Variants in RNF180 observed in about 807,000 individuals in gnomAD.
The protein encoded by RNF180 is ring finger protein 180.
Under a neutral mutation model 59.2 loss-of-function variants are expected in RNF180, and 38 were observed. The ratio of observed to expected loss-of-function variants is 0.64; its 90% CI spans 0.50 to 0.84. The LOEUF (loss-of-function observed/expected upper bound fraction) is 0.84, where lower values mean the gene tolerates loss of function less well. Ranked by LOEUF, RNF180 falls within the 40% of genes least tolerant of loss-of-function variation. The pLI is 0.00. For missense variants in RNF180, 705 were observed against 700.9 expected (o/e 1.01, Z -0.07); for synonymous variants, 262 against 240.3 (o/e 1.09, Z -0.84).
intron 7 of RNF180, among the ~76,000 whole-genome samples, chr5:64,334,222 C>A (rs1745030106): frequency 6.6e-6 from 1 of 152,166 alleles, no homozygotes; most frequent in Non-Finnish European, 1.5e-5. Context: ...TTTCCCCCTC[C>A]AACCTCCATA....
At chr5:64,233,230 T>C (rs1339898309) in intron 5 of RNF180, among the ~76,000 whole-genome samples, 1 of 152,208 alleles carries the variant, frequency 6.6e-6, no homozygotes, top group East Asian at 1.9e-4. Context: ...AACACATGGA[T>C]CTTACATAAG....
In RNF180 at chr5:64,203,454, A is replaced by G. The variant is rs1011388471; in HGVS notation, c.135+2512A>G. On this transcript the variant is annotated intron_variant, in intron 2 of 7. Coordinates refer to ENST00000389100, the MANE Select transcript of RNF180 (RefSeq NM_001113561.2). ...TTGAGCTATTTTCATTACCCCATAAAGTTTCCTCAGGCCTATTTGTCCTGC... is the reference window on the plus strand; with the variant it reads ...TTGAGCTATTTTCATTACCCCATAAGGTTTCCTCAGGCCTATTTGTCCTGC... Among the ~76,000 whole-genome samples, 30 of 152,118 alleles carry G rather than the reference A, an allele frequency of 2.0e-4. 1 individual carries two copies. Among genetic ancestry groups the G allele is most frequent in the Non-Finnish European group, 8.8e-5 (6 of 68,004 alleles).
At chr5:64,225,523 G>A (rs76683526) in intron 5 of RNF180, among the ~76,000 whole-genome samples, 5,040 of 89,294 alleles carry the variant, frequency 0.056, no homozygotes, top group African/African-American at 0.076. Context: ...CTGCCCGGCC[G>A]CCCTTCGTCT....
At chr5:64,296,220 T>C (rs1026603900) in intron 5 of RNF180, among the ~76,000 whole-genome samples, 1 of 152,158 alleles carries the variant, frequency 6.6e-6, no homozygotes, top group Non-Finnish European at 1.5e-5. Flanking sequence ...CATACCATGA[T>C]TAGCCCCTGA....
intron 5 of RNF180, among the ~76,000 whole-genome samples, chr5:64,309,236 A>C (rs1292006762): frequency 6.6e-6 from 1 of 151,696 alleles, no homozygotes; most frequent in Non-Finnish European, 1.5e-5. Context: ...AATGTTAGGG[A>C]CTCTGGCTCA....
chr5:64,242,100 A>G (rs1186575013), intron 5 of RNF180, among the ~76,000 whole-genome samples: 2 of 152,176 alleles, frequency 1.3e-5, no homozygotes, highest in Admixed American at 6.5e-5. Context: ...GCCTTCTGAC[A>G]CAATCCAGTG....
At chr5:64,258,216 A>G (rs145924713) in intron 5 of RNF180, among the ~76,000 whole-genome samples, 3 of 152,306 alleles carry the variant, frequency 2.0e-5, no homozygotes, top group Non-Finnish European at 2.9e-5. Context: ...TTATGACTGG[A>G]TATCAAGGTA....
intron 5 of RNF180, among the ~76,000 whole-genome samples, chr5:64,277,124 G>A (rs1261948112): frequency 6.7e-6 from 1 of 149,944 alleles, no homozygotes; most frequent in Non-Finnish European, 1.5e-5. Context: ...TTTGGAGACC[G>A]AGCTTTTAAG....
chr5:64,212,185 A>T, intron 3 of RNF180, 25 bp downstream of exon 3: 2 of 1,282,698 alleles, frequency 1.6e-6, no homozygotes, highest in South Asian at 2.4e-5. Context: ...TCTGAGTAAA[A>T]TTAAGAATAT....
At chr5:64,209,797 A>G (rs1184776391) in intron 2 of RNF180, among the ~76,000 whole-genome samples, 2 of 152,106 alleles carry the variant, frequency 1.3e-5, no homozygotes, top group South Asian at 2.1e-4. Context: ...AGTTATGCTA[A>G]TCTTCATAAT....
intron 7 of RNF180, among the ~76,000 whole-genome samples, chr5:64,369,020 T>C (rs889910203): frequency 2.0e-5 from 3 of 152,216 alleles, no homozygotes; most frequent in African/African-American, 7.2e-5. Context: ...CGTATGTTTA[T>C]TGCGGCACTA....
intron 7 of RNF180, among the ~76,000 whole-genome samples, chr5:64,356,290 A>G (rs1746023446): frequency 6.6e-6 from 1 of 151,892 alleles, no homozygotes; most frequent in Admixed American, 6.6e-5. Context: ...TGTAAGGGAC[A>G]GTATCAAGAA....
intron 2 of RNF180, among the ~76,000 whole-genome samples, chr5:64,211,472 T>C (rs1484889330): frequency 6.6e-6 from 1 of 152,172 alleles, no homozygotes; most frequent in Non-Finnish European, 1.5e-5. Flanking sequence ...ACATACTTTA[T>C]GGGAGGTCAG....
At chr5:64,276,319 G>GGGGGGTGTGT (rs553123802) in intron 5 of RNF180, among the ~76,000 whole-genome samples, 1 of 138,086 alleles carries the variant, frequency 7.2e-6, no homozygotes, top group African/African-American at 2.8e-5. Context: ...AAAATACATT[G>GGGGGGTGTGT]GTGTGTGTGT....
At chr5:64,168,773 T>C (rs1418502138) in intron 1 of RNF180, among the ~76,000 whole-genome samples, 1 of 152,204 alleles carries the variant, frequency 6.6e-6, no homozygotes, top group Non-Finnish European at 1.5e-5. Flanking sequence ...AAAAAAGTTA[T>C]TAACAAGTTG....
chr5:64,246,088 T>C (rs937203777), intron 5 of RNF180, among the ~76,000 whole-genome samples: 3 of 152,058 alleles, frequency 2.0e-5, no homozygotes, highest in African/African-American at 7.2e-5. Flanking sequence ...AATGTCAACA[T>C]ACCGGAATTT....
At chr5:64,350,484 A>C (rs987064140) in intron 7 of RNF180, among the ~76,000 whole-genome samples, 1 of 152,152 alleles carries the variant, frequency 6.6e-6, no homozygotes, top group African/African-American at 2.4e-5. Flanking sequence ...GTCCTCGCCC[A>C]TGCCTATGTC....
At chr5:64,167,478 A>G (rs527752829) in intron 1 of RNF180, among the ~76,000 whole-genome samples, 1 of 152,286 alleles carries the variant, frequency 6.6e-6, no homozygotes, top group East Asian at 1.9e-4. Context: ...AAATTCAAAA[A>G]ATAATATTGA....
intron 2 of RNF180, among the ~76,000 whole-genome samples, chr5:64,208,007 A>C (rs1009415795): frequency 3.3e-5 from 5 of 152,098 alleles, no homozygotes; most frequent in African/African-American, 1.2e-4. Context: ...AATATTATCA[A>C]CTTTTTACAT....
Sources: gnomAD v4.1 joint callset for allele counts (sites outside exome capture counted in the v4.1 genomes callset) on GRCh38, gnomAD v4.1.1 for gene constraint, MANE v1.5 for transcripts, NCBI Gene and HGNC (gene_info 2026-07-23, HGNC 2026-07-21) for gene names.